LHFPL3: variants seen among roughly 807,000 people sequenced by gnomAD.
The protein encoded by LHFPL3 is LHFPL tetraspan subfamily member 3 protein.
A neutral mutation model predicts 19.3 loss-of-function variants in LHFPL3; 5 were observed. The ratio of observed to expected loss-of-function variants is 0.26; its 90% CI spans 0.14 to 0.54. The LOEUF (loss-of-function observed/expected upper bound fraction) is 0.54. LHFPL3 is among the 20% of genes least tolerant of loss of function. The pLI is 0.94. For synonymous variants in LHFPL3, 133 were observed against 126.2 expected, an observed-to-expected ratio of 1.05 and a Z score of -0.36; for missense variants, 249 against 307.4, an observed-to-expected ratio of 0.81 and a Z score of 1.42.
intron 2 of LHFPL3, among the ~76,000 whole-genome samples, chr7:104,869,405 A>G (rs537247452): frequency 1.4e-3 from 214 of 152,334 alleles, no homozygotes; most frequent in Non-Finnish European, 2.4e-3. Context: ...AAAAAAACAA[A>G]CAACCCCATC....
intron 1 of LHFPL3, among the ~76,000 whole-genome samples, chr7:104,728,287 G>C (rs1053512287): frequency 2.0e-5 from 3 of 152,068 alleles, no homozygotes; most frequent in Admixed American, 2.0e-4. Context: ...GTTGCGGTAA[G>C]GCAAGAGTTA....
intron 2 of LHFPL3, among the ~76,000 whole-genome samples, chr7:104,892,827 T>C (rs916524490): frequency 2.0e-5 from 3 of 151,998 alleles, no homozygotes; most frequent in Admixed American, 1.3e-4. Context: ...TTTTCAAAAA[T>C]GAGATTCCAT....
intron 1 of LHFPL3, among the ~76,000 whole-genome samples, chr7:104,718,235 A>G (rs1793427224): frequency 6.6e-6 from 1 of 152,184 alleles, no homozygotes; most frequent in South Asian, 2.1e-4. Context: ...CATTGTGCTT[A>G]TAGTTAATAA....
intron 1 of LHFPL3, among the ~76,000 whole-genome samples, chr7:104,521,637 C>T (rs13231746): frequency 0.13 from 19,721 of 152,046 alleles, 1,431 homozygotes; most frequent in South Asian, 0.17. Context: ...GCAACCTACT[C>T]ATCTGACAAA....
At chr7:104,664,522 T>C (rs541484483) in intron 1 of LHFPL3, among the ~76,000 whole-genome samples, 16 of 152,212 alleles carry the variant, frequency 1.1e-4, no homozygotes, top group Non-Finnish European at 1.9e-4. Context: ...CTATCCCCTA[T>C]GGCAGGGGTC....
intron 1 of LHFPL3, among the ~76,000 whole-genome samples, chr7:104,650,460 C>G (rs1792011630): frequency 6.6e-6 from 1 of 152,180 alleles, no homozygotes. Context: ...TGAGAGTTAG[C>G]TAGTTAAATG....
intron 2 of LHFPL3, among the ~76,000 whole-genome samples, chr7:104,787,043 T>A (rs756528082): frequency 2.0e-5 from 3 of 152,198 alleles, no homozygotes; most frequent in African/African-American, 7.2e-5. Flanking sequence ...TGTTCTGTTT[T>A]CTTGTTTTTA....
At chr7:104,889,359 G>T (rs1453796521) in intron 2 of LHFPL3, among the ~76,000 whole-genome samples, 2 of 152,144 alleles carry the variant, frequency 1.3e-5, no homozygotes, top group African/African-American at 4.8e-5. Flanking sequence ...GCTTTTCCAG[G>T]CCGAGCGTGG....
chr7:104,769,930 C>G (rs1438093964), intron 2 of LHFPL3, among the ~76,000 whole-genome samples: 1 of 152,098 alleles, frequency 6.6e-6, no homozygotes, highest in Non-Finnish European at 1.5e-5. Context: ...ATGGTTCAAT[C>G]TAACAGGAAA....
intron 1 of LHFPL3, among the ~76,000 whole-genome samples, chr7:104,671,086 G>T (rs1792472010): frequency 6.6e-6 from 1 of 152,008 alleles, no homozygotes; most frequent in Non-Finnish European, 1.5e-5. Context: ...GTTCAGCCAT[G>T]CAGGGGTGTT....
intron 1 of LHFPL3, among the ~76,000 whole-genome samples, chr7:104,646,357 G>A (rs890801579): frequency 6.6e-6 from 1 of 152,132 alleles, no homozygotes; most frequent in Non-Finnish European, 1.5e-5. Flanking sequence ...CGCCCTAATC[G>A]CTATTAACAT....
intron 1 of LHFPL3, among the ~76,000 whole-genome samples, chr7:104,583,231 A>T (rs553078768): frequency 1.4e-4 from 21 of 152,302 alleles, no homozygotes; most frequent in African/African-American, 5.1e-4. Flanking sequence ...TATTTAATAA[A>T]TGGTGCTGGG....
In LHFPL3 at chr7:104,834,740, G is replaced by T. The variant is rs76217768; in HGVS notation, c.683-71447G>T. On this transcript the variant is annotated intron_variant, in intron 2 of 2. Coordinates refer to ENST00000424859, the MANE Select transcript of LHFPL3 (RefSeq NM_199000.3). ...AATCCATTCAGCATGGCCCATGCAG[G>T]TCCTGCAGGCGGAGAGGGCTGCTTC... Among the ~76,000 whole-genome samples the T allele has an allele frequency of 3.6e-3, 547 of 152,056 alleles. 15 individuals carry two copies. In the East Asian group the frequency reaches 0.056, roughly 16 times the overall value.
intron 1 of LHFPL3, among the ~76,000 whole-genome samples, chr7:104,643,488 T>A (rs1791873818): frequency 6.6e-6 from 1 of 152,212 alleles, no homozygotes; most frequent in South Asian, 2.1e-4. Flanking sequence ...CACTGTATAT[T>A]TTTGTATGGA....
intron 1 of LHFPL3, among the ~76,000 whole-genome samples, chr7:104,372,673 GT>G (rs1790637930): frequency 1.3e-5 from 2 of 152,242 alleles, no homozygotes; most frequent in Middle Eastern, 3.4e-3. Context: ...TAAAATAGGA[GT>G]GATAATACAG....
chr7:104,386,313 C>G (rs1790941637), intron 1 of LHFPL3, among the ~76,000 whole-genome samples: 1 of 152,176 alleles, frequency 6.6e-6, no homozygotes, highest in Admixed American at 6.5e-5. Context: ...TGACTTGGAG[C>G]TCATTCTGTA....
chr7:104,588,629 A>G (rs1790637234), intron 1 of LHFPL3, among the ~76,000 whole-genome samples: 1 of 152,176 alleles, frequency 6.6e-6, no homozygotes, highest in African/African-American at 2.4e-5. Context: ...TGAACTTTAA[A>G]GTAGTTTTTT....
intron 2 of LHFPL3, among the ~76,000 whole-genome samples, chr7:104,824,411 A>ATC (rs1260965571): frequency 2.1e-5 from 1 of 47,722 alleles, no homozygotes; most frequent in Non-Finnish European, 3.5e-5. Flanking sequence ...TATATAATAT[A>ATC]TATTTTATAT....
intron 1 of LHFPL3, among the ~76,000 whole-genome samples, chr7:104,544,846 C>T (rs1413265907): frequency 6.6e-6 from 1 of 152,142 alleles, no homozygotes; most frequent in African/African-American, 2.4e-5. Flanking sequence ...TGAGCTGTTA[C>T]AAAGCTGACC....
Sources: gnomAD v4.1 joint callset for allele counts (sites outside exome capture counted in the v4.1 genomes callset) on GRCh38, gnomAD v4.1.1 for gene constraint, MANE v1.5 for transcripts, NCBI Gene and HGNC (gene_info 2026-07-23, HGNC 2026-07-21) for gene names.